Variants in WDR62 observed in about 807,000 individuals in gnomAD.
WDR62 encodes WD repeat domain 62.
In WDR62, 112 loss-of-function variants were observed where a neutral mutation model predicts 160.6. The ratio of observed to expected loss-of-function variants is 0.70; its 90% CI spans 0.60 to 0.82. The LOEUF (loss-of-function observed/expected upper bound fraction) is 0.82. Among genes scored for constraint, WDR62 ranks in the 40% least tolerant of loss-of-function variants. The pLI, the probability that WDR62 is intolerant of heterozygous loss-of-function variation, is 0.00. For missense variants in WDR62, 1,819 were observed against 1,983.8 expected, an observed-to-expected ratio of 0.92 and a Z score of 1.58; for synonymous variants, 792 against 815.1, an observed-to-expected ratio of 0.97 and a Z score of 0.48.
At position 36,105,018 on chromosome 19, in the gene WDR62, G is replaced by A. The variant is rs771758118; in HGVS notation, c.4562G>A (p.Arg1521Gln). ...GTGCAGGCCGTGCGGAGGAAGGCAC[G>A]GGGGCACTGAGGGCGCAGCCCCTCC... ...LLVQAVRRKARGH is the reference protein window; with the variant it reads ...LLVQAVRRKAQGH The change falls in exon 32 of 32, where the codon CGG becomes CAG. Residue 1521 changes from arginine to glutamine, a missense_variant. Around this residue, in one of 3 missense-constraint regions of WDR62, gnomAD observed 770 missense variants for 734.2 expected, o/e 1.05. Transcript: ENST00000401500. The A allele has an allele frequency of 6.9e-6, 11 of 1,599,094 alleles. No homozygotes were observed. The highest frequency in any genetic ancestry group is 4.5e-5 in the South Asian group (4 of 89,886).
At chr19:36,059,907 G>C in intron 2 of WDR62, 61 bp from the exon 3 acceptor site, 2 of 1,569,948 alleles carry the variant, frequency 1.3e-6, no homozygotes, top group Non-Finnish European at 8.8e-7. Flanking sequence ...GGTGGGAATA[G>C]AATCATCCCA....
At chr19:36,057,532 T>TG (rs397968226) in intron 1 of WDR62, among the ~76,000 whole-genome samples, 8 of 151,648 alleles carry the variant, frequency 5.3e-5, no homozygotes, top group African/African-American at 1.9e-4. Flanking sequence ...TTTTTTTTTT[T>TG]GAGACAGAGT....
intron 10 of WDR62, among the ~76,000 whole-genome samples, chr19:36,082,587 C>T (rs1249401587): frequency 6.6e-6 from 1 of 152,216 alleles, no homozygotes. Flanking sequence ...GTACCTGTGA[C>T]ATACATGCTG....
At chr19:36,092,010 C>G (rs552821506) in intron 18 of WDR62, among the ~76,000 whole-genome samples, 12 of 151,916 alleles carry the variant, frequency 7.9e-5, no homozygotes, top group African/African-American at 2.9e-4. Flanking sequence ...TTACATTTAC[C>G]TTAAAAATGG....
In WDR62 at chr19:36,055,028, C is replaced by T. The variant is rs1433471284; in HGVS notation, c.57C>T (p.Pro19=). Residue 19 remains proline (P), a synonymous_variant, in exon 1 of 32, where the codon CCC becomes CCT. Coordinates refer to ENST00000401500, the MANE Select transcript of WDR62 (RefSeq NM_001083961.2). The part of the protein sequence containing the change: ...YARNDAGEKL[P]SVMAGVPARR... ...GGAACGATGCAGGGGAGAAGCTGCCCTCTGTCATGGCGGGAGTTCCGGCGC... is the reference window on the plus strand; with the variant it reads ...GGAACGATGCAGGGGAGAAGCTGCCTTCTGTCATGGCGGGAGTTCCGGCGC... 2.5e-6 allele frequency: 4 copies of T among 1,608,306 alleles called. No homozygotes were observed. The highest frequency in any genetic ancestry group is 1.1e-5 in the South Asian group (1 of 90,484).
chr19:36,082,461 G>A (rs1971955122), intron 10 of WDR62, among the ~76,000 whole-genome samples: 1 of 152,142 alleles, frequency 6.6e-6, no homozygotes, highest in Admixed American at 6.5e-5. Context: ...ACCTGAAAGA[G>A]GCCAGTGTGA....
rs142150175 is a variant in WDR62 at position 36,083,065 on chromosome 19, C to T, written c.1374C>T (p.Thr458=). The T allele has an allele frequency of 2.5e-6, 4 of 1,611,374 alleles. No individual in the cohort carries two copies. Among genetic ancestry groups the T allele is most frequent in the South Asian group, 2.2e-5 (2 of 90,314 alleles). The part of the protein sequence containing the change: ...SHWQKNIFSN[T]LLKVVYVEND... ...CCTCAGCCCTGTCCTTCCTGCAGAC[C>T]CTGCTGAAGGTCGTGTACGTGGAGA... is the stretch of plus-strand genomic sequence containing the variant. The change falls in exon 11 of 32, where the codon ACC becomes ACT. Residue 458 remains threonine, a splice_region_variant and synonymous_variant. Coordinates refer to ENST00000401500, the MANE Select transcript of WDR62 (RefSeq NM_001083961.2).
chr19:36,091,096 A>T, intron 16 of WDR62, 104 bp from the exon 17 acceptor site: 3 of 956,500 alleles, frequency 3.1e-6, no homozygotes, highest in Non-Finnish European at 5.0e-6. Context: ...GCCCTGCCAG[A>T]GTCCCATGTG....
intron 13 of WDR62, among the ~76,000 whole-genome samples, 154 bp downstream of exon 13, chr19:36,086,966 G>C (rs2145749474): frequency 6.6e-6 from 1 of 152,356 alleles, no homozygotes; most frequent in South Asian, 2.1e-4. Flanking sequence ...GGGTGTAATG[G>C]CTCACACCTG....
chr19:36,089,039 C>T lies in WDR62; in HGVS notation c.1770C>T (p.Gly590=). ...SSSITAIKFA[G]NRDIQMISCG... is the part of the protein sequence containing the mutation. ...ACACACAGCGTCCTCCTCCCCTAGG[C>T]AACAGAGACATCCAGATGATCAGCT... The change falls in exon 14 of 32, where the codon GGC becomes GGT. Residue 590 remains glycine (G), a splice_region_variant and synonymous_variant. Coordinates refer to ENST00000401500, the MANE Select transcript of WDR62 (RefSeq NM_001083961.2). 1 of 1,614,026 alleles carries T rather than the reference C, an allele frequency of 6.2e-7. No individual in the cohort carries two copies. The highest frequency in any genetic ancestry group is 8.5e-7 in the Non-Finnish European group (1 of 1,180,028).
chr19:36,055,045 T>C lies in WDR62; in HGVS notation c.74T>C (p.Val25Ala), dbSNP rs779569062. The change falls in exon 1 of 32, where the codon GTT (valine) becomes GCT (alanine). Residue 25 changes from valine (V) to alanine (A), a missense_variant. By Grantham distance (64) the Val-to-Ala change is moderately conservative. Coordinates refer to ENST00000401500, the MANE Select transcript of WDR62 (RefSeq NM_001083961.2). ...GEKLPSVMAG[V>A]PARRGQSSPP... ...AAGCTGCCCTCTGTCATGGCGGGAG[T>C]TCCGGCGCGGAGGGGCCAGTCCTCC... The C allele has an allele frequency of 1.3e-6, 2 of 1,589,534 alleles. No homozygotes were observed. The highest frequency in any genetic ancestry group is 1.7e-6 in the Non-Finnish European group (2 of 1,170,038).
At chr19:36,058,969 A>G (rs560046996) in intron 2 of WDR62, 98 bp downstream of exon 2, 5 of 1,012,858 alleles carry the variant, frequency 4.9e-6, no homozygotes. Flanking sequence ...CATATTTTTC[A>G]CCTGTAGAAT....
intron 22 of WDR62, 69 bp from the exon 23 acceptor site, chr19:36,100,679 G>A (rs1340279773): frequency 6.2e-7 from 1 of 1,606,840 alleles, no homozygotes; most frequent in African/African-American, 1.3e-5. Flanking sequence ...CTGCTGGCAT[G>A]GTTCCTGGCG....
intron 7 of WDR62, among the ~76,000 whole-genome samples, chr19:36,069,915 G>GC (rs1971195538): frequency 6.6e-6 from 1 of 151,970 alleles, no homozygotes; most frequent in African/African-American, 2.4e-5. Flanking sequence ...GGAGAATCAG[G>GC]CAGGGAGGTT....
intron 19 of WDR62, 75 bp downstream of exon 19, chr19:36,092,886 A>G: frequency 2.5e-6 from 4 of 1,609,838 alleles, no homozygotes; most frequent in Non-Finnish European, 3.4e-6. Context: ...CTGGGGACAC[A>G]GTGGTGGCCA....
chr19:36,073,941 G>A (rs2056397), intron 9 of WDR62: 1 of 355,682 alleles, frequency 2.8e-6, no homozygotes, highest in Non-Finnish European at 5.5e-6. Context: ...CCTGCGGCAG[G>A]AACATGCACT....
At chr19:36,076,243 C>G (rs927931489) in intron 9 of WDR62, among the ~76,000 whole-genome samples, 2 of 151,954 alleles carry the variant, frequency 1.3e-5, no homozygotes, top group African/African-American at 4.8e-5. Context: ...CAGGAATCAA[C>G]CATTTCTCGA....
downstream of WDR62, among the ~76,000 whole-genome samples, chr19:36,106,650 C>T (rs1415552260): frequency 6.6e-6 from 1 of 152,192 alleles, no homozygotes; most frequent in Non-Finnish European, 1.5e-5. Context: ...CTGGGGCAGC[C>T]ACACGTGATC....
intron 20 of WDR62, among the ~76,000 whole-genome samples, chr19:36,096,710 C>CAAA (rs754659130): frequency 2.5e-5 from 3 of 122,322 alleles, no homozygotes; most frequent in Non-Finnish European, 3.4e-5. Context: ...GACTCCGTCT[C>CAAA]AAAAAAAGAA....
Sources: allele counts gnomAD v4.1 joint callset (sites outside exome capture counted in the v4.1 genomes callset), GRCh38; gene constraint gnomAD v4.1.1; regional missense constraint gnomAD v4.1.1; transcripts MANE v1.5; gene names NCBI Gene and HGNC (gene_info 2026-07-23, HGNC 2026-07-21).